Variants in FOXF2 observed in about 807,000 individuals in gnomAD.
FOXF2 encodes forkhead box protein F2.
FOXF2 carries 15 observed loss-of-function variants against 29.1 expected under a neutral mutation model. That is an observed-to-expected ratio of 0.52 (90% CI 0.35 to 0.79). The LOEUF (loss-of-function observed/expected upper bound fraction) is 0.79. FOXF2 is among the 30% of genes least tolerant of loss of function. The pLI, the probability that FOXF2 is intolerant of heterozygous loss-of-function variation, is 0.01. For missense variants in FOXF2, 675 were observed against 667.1 expected (o/e 1.01, Z -0.13); for synonymous variants, 337 against 316.5 (o/e 1.06, Z -0.69).
Position 1,390,912 on chromosome 6 carries a change from C to T in FOXF2, c.965C>T (p.Ala322Val). 1 of 1,543,932 alleles carries T rather than the reference C, an allele frequency of 6.5e-7. No individual in the cohort carries two copies. Among genetic ancestry groups the T allele is most frequent in the South Asian group, 1.2e-5 (1 of 84,544 alleles). ...AGCAGCCCGGTACCCTCGTCCCCGG[C>T]CATGGCGAGCGCCATCGAATGCCAC... is the stretch of plus-strand genomic sequence containing the variant. ...SSSSPVPSSP[A>V]MASAIECHSP... The change falls in exon 1 of 2, where the codon GCC (alanine) becomes GTC (valine). Residue 322 changes from alanine (A) to valine (V), a missense_variant. Physicochemically the swap from Ala to Val is moderately conservative, Grantham distance 64 (BLOSUM62 0). This residue lies in a region of FOXF2 where 451 missense variants were observed against 437.2 expected (regional missense o/e 1.03). Transcript: ENST00000645481. The surrounding 1 kb of genome is among the most constrained non-coding windows in gnomAD (Gnocchi z 8.5).
At position 1,392,434 on chromosome 6, in the gene FOXF2, TCACACACACACACACACACACA is replaced by T. The variant is rs71738664; in HGVS notation, c.1171+1338_1171+1359del. 1.2e-3 allele frequency among the ~76,000 whole-genome samples: 127 copies of T among 107,770 alleles called. 3 individuals carry two copies. Among genetic ancestry groups the T allele is most frequent in the South Asian group, 0.011 (31 of 2,770 alleles). 70.7% of individuals were successfully genotyped at this position (107,770 alleles called of 152,430 possible). On this transcript the variant is annotated intron_variant, in intron 1 of 1. Transcript: ENST00000645481. Reference sequence around the variant, plus strand: ...TGTATTCCCTTGGACCGGCTGTCAATCACACACACACACACACACACACACACACACACACACACACACCCCT... The same window carrying T: ...TGTATTCCCTTGGACCGGCTGTCAATCACACACACACACACACACACCCCT...
At position 1,390,178 on chromosome 6, in the gene FOXF2, CGGCGGCGGCGCGGGCGCCGGG is replaced by C; in HGVS notation, c.232_252del (p.Gly78_Gly84del). 1 of 1,452,774 alleles carries C rather than the reference CGGCGGCGGCGCGGGCGCCGGG, an allele frequency of 6.9e-7. No homozygotes were observed. Among genetic ancestry groups the C allele is most frequent in the Non-Finnish European group, 9.1e-7 (1 of 1,099,464 alleles). 90.0% of individuals were successfully genotyped at this position (1,452,774 alleles called of 1,614,324 possible). ...CCTCGGCTGCCTGCAAGAGCGCGGG[CGGCGGCGGCGCGGGCGCCGGG>C]AGCGGGGGCGCCAAGAAGGCGAGCT... On this transcript the variant is annotated inframe_deletion, in exon 1 of 2. Transcript: ENST00000645481. The surrounding 1 kb of genome is among the most constrained non-coding windows in gnomAD (Gnocchi z 8.5).
chr6:1,391,151 G>A, intron 1 of FOXF2, 33 bp downstream of exon 1: 1 of 1,597,100 alleles, frequency 6.3e-7, no homozygotes, highest in Non-Finnish European at 8.5e-7. Context: ...AGCCAGCTGG[G>A]CGCACCGCTT....
Position 1,390,505 on chromosome 6 carries a change from G to A in FOXF2, c.558G>A (p.Glu186=), listed in dbSNP as rs1196605228. The change falls in exon 1 of 2, where the codon GAG becomes GAA. Residue 186 remains glutamate (E), a synonymous_variant. Transcript: ENST00000645481. This position sits in a 1 kb window ranked among gnomAD's most constrained non-coding sequence, Gnocchi z 8.5. ...CGGCCAGCGAGTTCATGTTCGAGGA[G>A]GGCTCGTTCCGCCGCCGGCCGCGCG... ...IDPASEFMFE[E]GSFRRRPRGF... 1 of 1,611,150 alleles carries A rather than the reference G, an allele frequency of 6.2e-7. No individual in the cohort carries two copies. The highest frequency in any genetic ancestry group is 1.3e-5 in the African/African-American group (1 of 75,024).
chr6:1,392,863 C>G (rs549374219), intron 1 of FOXF2, among the ~76,000 whole-genome samples: 1 of 152,358 alleles, frequency 6.6e-6, no homozygotes, highest in South Asian at 2.1e-4. Context: ...AACCCCCGAC[C>G]GAGTCTGGGA....
chr6:1,395,021 C>A lies in FOXF2; in HGVS notation c.*162C>A. ...GATCGCGTTGGTCACTGTTATTTGC[C>A]TACTGCTGGAAGAAGGACAACCGCT... On this transcript the variant is annotated 3_prime_UTR_variant, in exon 2 of 2. Coordinates refer to ENST00000645481, the MANE Select transcript of FOXF2 (RefSeq NM_001452.2). 1.4e-6 allele frequency: 1 copy of A among 713,964 alleles called. No individual in the cohort carries two copies. The highest frequency in any genetic ancestry group is 2.4e-6 in the Non-Finnish European group (1 of 423,278). 44.2% of individuals were successfully genotyped at this position (713,964 alleles called of 1,614,324 possible). A position where few individuals can be genotyped will look rare whatever the true frequency, so the allele number is the denominator to read the frequency against.
intron 1 of FOXF2, 93 bp downstream of exon 1, chr6:1,391,211 C>G (rs952664469): frequency 7.2e-5 from 112 of 1,560,320 alleles, no homozygotes; most frequent in Non-Finnish European, 8.4e-5. Flanking sequence ...ACAGGGACCC[C>G]GAAGCTAGGA....
intron 1 of FOXF2, 108 bp downstream of exon 1, chr6:1,391,226 T>C (rs1451336489): frequency 6.5e-7 from 1 of 1,539,218 alleles, no homozygotes; most frequent in Non-Finnish European, 8.7e-7. Flanking sequence ...CTAGGAGGTC[T>C]GAGGGCACTG....
chr6:1,393,221 G>C (rs775876978), intron 1 of FOXF2, among the ~76,000 whole-genome samples: 7 of 152,058 alleles, frequency 4.6e-5, no homozygotes, highest in Non-Finnish European at 1.0e-4. Context: ...TCCTGGGCCT[G>C]GTGGCCATGG....
chr6:1,394,883 C>T lies in FOXF2; in HGVS notation c.*24C>T, dbSNP rs749464291. On this transcript the variant is annotated 3_prime_UTR_variant, in exon 2 of 2. Coordinates refer to ENST00000645481, the MANE Select transcript of FOXF2 (RefSeq NM_001452.2). ...GAACGGAAAGAGGCCAAGCGATGGC[C>T]GCTCTCTCCTCTCCCCTCCTCAGAG... 25 of 1,613,052 alleles carry T rather than the reference C, an allele frequency of 1.5e-5. No individual in the cohort carries two copies. Among genetic ancestry groups the T allele is most frequent in the Admixed American group, 1.3e-4 (8 of 60,018 alleles).
intron 1 of FOXF2, among the ~76,000 whole-genome samples, chr6:1,393,275 A>G (rs1236406188): frequency 6.6e-6 from 1 of 151,920 alleles, no homozygotes; most frequent in Admixed American, 6.5e-5. Flanking sequence ...GGAGTTCTCC[A>G]TTAAGCCCTG....
chr6:1,390,610 G>A lies in FOXF2; in HGVS notation c.663G>A (p.Leu221=), dbSNP rs1487766260. ...VSGLGFGASL[L]PQGFDFQAPP... ...GCTTGGGCTTCGGGGCGTCGCTGCTGCCCCAGGGCTTCGACTTCCAGGCGC... is the reference window on the plus strand; with the variant it reads ...GCTTGGGCTTCGGGGCGTCGCTGCTACCCCAGGGCTTCGACTTCCAGGCGC... Residue 221 remains leucine, a synonymous_variant, in exon 1 of 2, where the codon CTG becomes CTA. Coordinates refer to ENST00000645481, the MANE Select transcript of FOXF2 (RefSeq NM_001452.2). This position sits in a 1 kb window ranked among gnomAD's most constrained non-coding sequence, Gnocchi z 8.5. The A allele has an allele frequency of 1.9e-6, 3 of 1,591,256 alleles. No individual in the cohort carries two copies. Among genetic ancestry groups the A allele is most frequent in the Non-Finnish European group, 2.6e-6 (3 of 1,175,622 alleles).
rs2113368557 is a variant in FOXF2, at chr6:1,390,859, C to CGGT, written c.914_915insTGG (p.Gly306dup). On this transcript the variant is annotated inframe_insertion, in exon 1 of 2. Coordinates refer to ENST00000645481, the MANE Select transcript of FOXF2 (RefSeq NM_001452.2). This position sits in a 1 kb window ranked among gnomAD's most constrained non-coding sequence, Gnocchi z 8.5. ...GCGTCGGTGCGGCCGGGGGCGGCGG[C>CGGT]GGCGGCGACTACGGGCCGGACAGCA... is the stretch of plus-strand genomic sequence containing the variant. 6.9e-7 allele frequency: 1 copy of CGGT among 1,444,642 alleles called. No homozygotes were observed. The allele number at this position is 1,444,642 out of a possible 1,614,324, so 89.5% of individuals were successfully genotyped here.
At position 1,394,891 on chromosome 6, in the gene FOXF2, C is replaced by T; in HGVS notation, c.*32C>T. The T allele has an allele frequency of 6.2e-7, 1 of 1,610,396 alleles. No individual in the cohort carries two copies. Among genetic ancestry groups the T allele is most frequent in the Non-Finnish European group, 8.5e-7 (1 of 1,176,762 alleles). On this transcript the variant is annotated 3_prime_UTR_variant, in exon 2 of 2. Coordinates refer to ENST00000645481, the MANE Select transcript of FOXF2 (RefSeq NM_001452.2). ...AGAGGCCAAGCGATGGCCGCTCTCTCCTCTCCCCTCCTCAGAGGGGGCAGA... is the reference window on the plus strand; with the variant it reads ...AGAGGCCAAGCGATGGCCGCTCTCTTCTCTCCCCTCCTCAGAGGGGGCAGA...
intron 1 of FOXF2, among the ~76,000 whole-genome samples, chr6:1,394,308 A>G (rs1457515943): frequency 4.6e-5 from 7 of 152,172 alleles, no homozygotes; most frequent in Admixed American, 2.0e-4. Flanking sequence ...GGCTCAGGGC[A>G]GCACAGGCCA....
chr6:1,392,136 G>C (rs1758801708), intron 1 of FOXF2, among the ~76,000 whole-genome samples: 1 of 152,188 alleles, frequency 6.6e-6, no homozygotes, highest in African/African-American at 2.4e-5. Flanking sequence ...GGTGATGCAT[G>C]CTTTATGTGT....
In FOXF2 at chr6:1,394,730, A is replaced by G. The variant is rs751538515; in HGVS notation, c.1206A>G (p.Pro402=). The change falls in exon 2 of 2, where the codon CCA becomes CCG. Residue 402 remains proline (P), a synonymous_variant. Coordinates refer to ENST00000645481, the MANE Select transcript of FOXF2 (RefSeq NM_001452.2). ...GLPRYQHHST[P]VCDRKDFVLN... ...CCCGTTACCAGCATCACTCTACTCC[A>G]GTGTGTGACAGAAAAGATTTCGTCC... 3 of 1,613,916 alleles carry G rather than the reference A, an allele frequency of 1.9e-6. No homozygotes were observed. Among genetic ancestry groups the G allele is most frequent in the African/African-American group, 2.7e-5 (2 of 74,860 alleles).
Position 1,394,672 on chromosome 6 carries a change from GT to G in FOXF2, c.1172-15del, listed in dbSNP as rs751288824. On this transcript the variant is annotated intron_variant, in intron 1 of 1. Coordinates refer to ENST00000645481, the MANE Select transcript of FOXF2 (RefSeq NM_001452.2). ...ACTGGATGACTTTGTTTCTGAAGAG[GT>G]TTTTTTTTCTTTCTTCTTTCAGTGG... is the stretch of plus-strand genomic sequence containing the variant. 167 of 1,601,232 alleles carry G rather than the reference GT, an allele frequency of 1.0e-4. No individual in the cohort carries two copies. The highest frequency in any genetic ancestry group is 8.4e-4 in the African/African-American group (63 of 74,562).
chr6:1,390,343 G>C lies in FOXF2; in HGVS notation c.396G>C (p.Ala132=). The change falls in exon 1 of 2, where the codon GCG becomes GCC. Residue 132 remains alanine, a synonymous_variant. Coordinates refer to ENST00000645481, the MANE Select transcript of FOXF2 (RefSeq NM_001452.2). This position sits in a 1 kb window ranked among gnomAD's most constrained non-coding sequence, Gnocchi z 8.5. ...GCGAGATCTACCAGTTCCTGCAGGC[G>C]CGCTTCCCCTTCTTCCGCGGCGCCT... ...TLSEIYQFLQ[A]RFPFFRGAYQ... 1 of 1,613,242 alleles carries C rather than the reference G, an allele frequency of 6.2e-7. No individual in the cohort carries two copies. Among genetic ancestry groups the C allele is most frequent in the Non-Finnish European group, 8.5e-7 (1 of 1,179,952 alleles).
Sources: allele counts gnomAD v4.1 joint callset (sites outside exome capture counted in the v4.1 genomes callset), GRCh38; gene constraint gnomAD v4.1.1; regional missense constraint gnomAD v4.1.1; non-coding constraint Gnocchi (gnomAD v3.1); transcripts MANE v1.5; gene names NCBI Gene and HGNC (gene_info 2026-07-23, HGNC 2026-07-21).